The following PHLDB2 variants were observed in gnomAD, a reference collection of about 807,000 sequenced individuals.
PHLDB2 encodes pleckstrin homology-like domain family B member 2.
A neutral mutation model predicts 123.6 loss-of-function variants in PHLDB2; 71 were observed. The observed-to-expected ratio is 0.57, with a 90% CI of 0.47 to 0.70. The LOEUF is 0.70. Among genes scored for constraint, PHLDB2 ranks in the 30% least tolerant of loss-of-function variants. The pLI is 0.00. For missense variants in PHLDB2, 1,446 were observed against 1,519.5 expected (o/e 0.95, Z 0.80); for synonymous variants, 547 against 541.6 (o/e 1.01, Z -0.14).
chr3:111,783,660 C>T (rs970421059), intron 1 of PHLDB2, among the ~76,000 whole-genome samples: 9 of 151,976 alleles, frequency 5.9e-5, no homozygotes, highest in Non-Finnish European at 4.4e-5. Context: ...ACTTGTATTC[C>T]CGAGACAGAA....
chr3:111,769,854 T>C (rs1005079866), intron 1 of PHLDB2, among the ~76,000 whole-genome samples: 1 of 152,240 alleles, frequency 6.6e-6, no homozygotes, highest in African/African-American at 2.4e-5. Flanking sequence ...GAAACACATA[T>C]GTTTAAGACA....
At chr3:111,880,322 T>G (rs1211500237) in intron 1 of PHLDB2, among the ~76,000 whole-genome samples, 1 of 152,184 alleles carries the variant, frequency 6.6e-6, no homozygotes, top group Non-Finnish European at 1.5e-5. Context: ...TGGGGGCAAG[T>G]AGACCACTCT....
At chr3:111,779,747 G>C in intron 1 of PHLDB2, 1 of 555,624 alleles carries the variant, frequency 1.8e-6, no homozygotes, top group Non-Finnish European at 2.3e-6. Flanking sequence ...TGAACATACA[G>C]GTGCATATGT....
chr3:111,794,924 T>A (rs923408605), intron 1 of PHLDB2, among the ~76,000 whole-genome samples: 1 of 152,234 alleles, frequency 6.6e-6, no homozygotes, highest in Non-Finnish European at 1.5e-5. Flanking sequence ...TTGTCTTTAA[T>A]GGCTTTCAGA....
At chr3:111,736,336 A>G (rs1309529258) in intron 1 of PHLDB2, among the ~76,000 whole-genome samples, 2 of 152,214 alleles carry the variant, frequency 1.3e-5, no homozygotes, top group Non-Finnish European at 2.9e-5. Flanking sequence ...TTATTTCTGC[A>G]GTGAAATTTC....
At chr3:111,973,095 T>G (rs1053506516) in intron 16 of PHLDB2, among the ~76,000 whole-genome samples, 1 of 152,160 alleles carries the variant, frequency 6.6e-6, no homozygotes, top group Non-Finnish European at 1.5e-5. Context: ...GATCACAGAG[T>G]GGTGCTATAT....
intron 1 of PHLDB2, among the ~76,000 whole-genome samples, chr3:111,839,867 C>T (rs558654506): frequency 6.7e-6 from 1 of 149,822 alleles, no homozygotes; most frequent in South Asian, 2.1e-4. Context: ...GAAAATATGC[C>T]TCAATTTCTA....
At chr3:111,955,935 T>G (rs986619929) in intron 12 of PHLDB2, among the ~76,000 whole-genome samples, 3 of 152,184 alleles carry the variant, frequency 2.0e-5, no homozygotes, top group Admixed American at 2.0e-4. Flanking sequence ...GTGTGGTGGC[T>G]CATGCCTCTA....
intron 1 of PHLDB2, among the ~76,000 whole-genome samples, chr3:111,766,059 A>T (rs2060075201): frequency 6.6e-6 from 1 of 152,226 alleles, no homozygotes; most frequent in African/African-American, 2.4e-5. Flanking sequence ...GCTTTGTTGT[A>T]TAGATCAAAT....
At chr3:111,855,700 G>A (rs550420841), upstream of PHLDB2, among the ~76,000 whole-genome samples, 8 of 137,676 alleles carry the variant, frequency 5.8e-5, no homozygotes, top group South Asian at 2.3e-4. Context: ...GCAATGGTGC[G>A]ATCATGGATC....
At chr3:111,966,889 A>T (rs1283003) in intron 14 of PHLDB2, among the ~76,000 whole-genome samples, 186 bp downstream of exon 14, 22,667 of 152,022 alleles carry the variant, frequency 0.15, 1,814 homozygotes, top group African/African-American at 0.19. Flanking sequence ...TCTCTACTGC[A>T]GTGGATTTTC....
At position 111,974,530 on chromosome 3, in the gene PHLDB2, G is replaced by A. The variant is rs201303302; in HGVS notation, c.3729G>A (p.Thr1243=). The change falls in exon 18 of 18, where the codon ACG becomes ACA. Residue 1243 remains threonine, a synonymous_variant. Coordinates refer to ENST00000431670, the MANE Select transcript of PHLDB2 (RefSeq NM_001134438.2). ...GGATCTGGATGGATGTTATAGTTAC[G>A]GGGGCAGAAGGTTACACTCACTTCT... ...AMRIWMDVIV[T]GAEGYTHFLL 1.9e-4 allele frequency: 309 copies of A among 1,613,014 alleles called. 2 individuals carry two copies. In the South Asian group the frequency reaches 2.9e-3, roughly 15 times the overall value.
chr3:111,974,504 C>T lies in PHLDB2; in HGVS notation c.3703C>T (p.Arg1235Trp). 1 of 1,613,424 alleles carries T rather than the reference C, an allele frequency of 6.2e-7. No individual in the cohort carries two copies. The highest frequency in any genetic ancestry group is 1.7e-5 in the Admixed American group (1 of 59,980). The change falls in exon 18 of 18, where the codon CGG becomes TGG. Residue 1235 changes from arginine to tryptophan, a missense_variant. By Grantham distance (101) the Arg-to-Trp change is moderately radical (BLOSUM62 -3). Around this residue, in one of 3 missense-constraint regions of PHLDB2, gnomAD observed 594 missense variants for 646.0 expected, o/e 0.92. Coordinates refer to ENST00000431670, the MANE Select transcript of PHLDB2 (RefSeq NM_001134438.2). ...YMVAPSPEAM[R>W]IWMDVIVTGA... is the part of the protein sequence containing the mutation. ...GGTAGCCCCATCGCCAGAAGCCATGCGGATCTGGATGGATGTTATAGTTAC... is the reference window on the plus strand; with the variant it reads ...GGTAGCCCCATCGCCAGAAGCCATGTGGATCTGGATGGATGTTATAGTTAC...
intron 5 of PHLDB2, among the ~76,000 whole-genome samples, chr3:111,922,775 C>G (rs1474611735): frequency 2.0e-5 from 3 of 152,154 alleles, no homozygotes; most frequent in African/African-American, 7.2e-5. Context: ...TTCATACACT[C>G]TGTTCATACT....
chr3:111,829,633 T>C (rs189776803), intron 1 of PHLDB2, among the ~76,000 whole-genome samples: 1,806 of 152,018 alleles, frequency 0.012, 14 homozygotes, highest in Non-Finnish European at 0.02. Context: ...CCAGCTAATT[T>C]TTGTAGTTTT....
At position 111,926,700 on chromosome 3, in the gene PHLDB2, A is replaced by G. The variant is rs138825575; in HGVS notation, c.2002-5569A>G. 5.7e-3 allele frequency among the ~76,000 whole-genome samples: 863 copies of G among 152,338 alleles called. 9 individuals are homozygous for G. Among genetic ancestry groups the G allele is most frequent in the African/African-American group, 0.02 (825 of 41,584 alleles). The stretch of plus-strand genomic sequence containing the variant: ...TTATAGGATGTTCCTCTTCAGAGGC[A>G]GAGAATGGTTGGTTACTCAACAATC... On this transcript the variant is annotated intron_variant, in intron 5 of 17. Coordinates refer to ENST00000431670, the MANE Select transcript of PHLDB2 (RefSeq NM_001134438.2).
chr3:111,808,445 T>C (rs547215392), intron 1 of PHLDB2, among the ~76,000 whole-genome samples: 1 of 152,132 alleles, frequency 6.6e-6, no homozygotes, highest in Non-Finnish European at 1.5e-5. Flanking sequence ...CTGCCACTTT[T>C]CTTTTGAGTC....
At chr3:111,758,664 A>G (rs2059943296) in intron 1 of PHLDB2, among the ~76,000 whole-genome samples, 1 of 152,172 alleles carries the variant, frequency 6.6e-6, no homozygotes, top group African/African-American at 2.4e-5. Flanking sequence ...GGTACCTCAG[A>G]TGGAAATGCA....
At chr3:111,793,909 A>G (rs114292881) in intron 1 of PHLDB2, among the ~76,000 whole-genome samples, 7,823 of 150,980 alleles carry the variant, frequency 0.052, 255 homozygotes, top group Non-Finnish European at 0.072. Flanking sequence ...AGTCCTCTTT[A>G]GTCTCCCCTA....
Sources: allele counts gnomAD v4.1 joint callset (sites outside exome capture counted in the v4.1 genomes callset), GRCh38; gene constraint gnomAD v4.1.1; regional missense constraint gnomAD v4.1.1; transcripts MANE v1.5; gene names NCBI Gene and HGNC (gene_info 2026-07-23, HGNC 2026-07-21).